ANAPC7: variants seen among roughly 807,000 people sequenced by gnomAD.
The protein encoded by ANAPC7 is anaphase promoting complex subunit 7.
ANAPC7 carries 25 observed loss-of-function variants against 63.3 expected under a neutral mutation model. That is an observed-to-expected ratio of 0.39 (90% CI 0.29 to 0.55). The LOEUF is 0.55. Ranked by LOEUF, ANAPC7 falls within the 20% of genes least tolerant of loss-of-function variation. ANAPC7 has a pLI of 0.57. For missense variants in ANAPC7, 516 were observed against 691.7 expected, an observed-to-expected ratio of 0.75 and a Z score of 2.85; for synonymous variants, 241 against 251.7, an observed-to-expected ratio of 0.96 and a Z score of 0.40.
At chr12:110,377,941 G>C in intron 8 of ANAPC7, 1 of 610,194 alleles carries the variant, frequency 1.6e-6, no homozygotes, top group Non-Finnish European at 2.4e-6. Context: ...CTAATGATTA[G>C]TCTGTCATAT....
At chr12:110,379,678 C>T (rs1469213752) in intron 8 of ANAPC7, among the ~76,000 whole-genome samples, 3 of 152,182 alleles carry the variant, frequency 2.0e-5, no homozygotes, top group African/African-American at 7.2e-5. Context: ...CAGATTTGTT[C>T]TCTTTCCCAA....
chr12:110,377,130 C>T (rs1430308040), intron 9 of ANAPC7, among the ~76,000 whole-genome samples: 1 of 143,134 alleles, frequency 7.0e-6, no homozygotes, highest in African/African-American at 2.6e-5. Context: ...GAGCAAGATG[C>T]CGTCTCAAAA....
intron 6 of ANAPC7, among the ~76,000 whole-genome samples, chr12:110,385,503 C>A (rs1451537444): frequency 6.6e-6 from 1 of 152,198 alleles, no homozygotes; most frequent in Non-Finnish European, 1.5e-5. Context: ...TTCCAAGCTG[C>A]CAGCTGTTGC....
intron 8 of ANAPC7, 125 bp downstream of exon 8, chr12:110,381,627 G>T: frequency 3.1e-6 from 3 of 962,996 alleles, no homozygotes; most frequent in Non-Finnish European, 3.1e-6. Flanking sequence ...GAGCCACCAC[G>T]TCCGGCCAGC....
rs1240781663 is a variant in ANAPC7 at position 110,377,927 on chromosome 12, G to A, written c.1133-310C>T. On this transcript the variant is annotated intron_variant, in intron 8 of 10. Transcript: ENST00000455511. ...ATCTGACCACTGGAAGAATAAATGCGACACTAATGATTAGTCTGTCATATG... is the reference window on the plus strand; with the variant it reads ...ATCTGACCACTGGAAGAATAAATGCAACACTAATGATTAGTCTGTCATATG... 8 of 704,170 alleles carry A rather than the reference G, an allele frequency of 1.1e-5. No homozygotes were observed. In the South Asian group the frequency reaches 1.2e-4, roughly 11 times the overall value. 43.6% of individuals were successfully genotyped at this position (704,170 alleles called of 1,614,324 possible).
intron 8 of ANAPC7, chr12:110,378,596 C>A (rs1390512334): frequency 1.3e-5 from 2 of 152,308 alleles, no homozygotes; most frequent in East Asian, 1.9e-4. Context: ...TCTTTCCACA[C>A]CCACAGCGAG....
intron 2 of ANAPC7, among the ~76,000 whole-genome samples, chr12:110,395,588 C>A (rs1592925654): frequency 6.6e-6 from 1 of 152,076 alleles, no homozygotes; most frequent in Middle Eastern, 3.4e-3. Flanking sequence ...CTGTGCCTGG[C>A]CTCATCTTCT....
At chr12:110,374,427 C>G in intron 10 of ANAPC7, 94 bp from the exon 11 acceptor site, 1 of 1,266,408 alleles carries the variant, frequency 7.9e-7, no homozygotes, top group Non-Finnish European at 1.1e-6. Flanking sequence ...GAAATGACCA[C>G]ACAGTCCCAA....
intron 3 of ANAPC7, among the ~76,000 whole-genome samples, chr12:110,392,532 T>G (rs956784826): frequency 6.6e-6 from 1 of 152,168 alleles, no homozygotes; most frequent in Non-Finnish European, 1.5e-5. Context: ...TCCTTATTGT[T>G]AAGCACAAGT....
At chr12:110,382,468 A>ATATATATATG (rs1882014467) in intron 7 of ANAPC7, among the ~76,000 whole-genome samples, 1 of 116,590 alleles carries the variant, frequency 8.6e-6, no homozygotes, top group African/African-American at 3.7e-5. Context: ...AAAAATATAT[A>ATATATATATG]TATATATATA....
chr12:110,376,938 T>A (rs1182423663), intron 9 of ANAPC7, among the ~76,000 whole-genome samples: 1 of 151,272 alleles, frequency 6.6e-6, no homozygotes, highest in Non-Finnish European at 1.5e-5. Flanking sequence ...CTGGCCAATA[T>A]GGTGAAACCC....
chr12:110,400,506 G>A (rs1347202846), intron 1 of ANAPC7, among the ~76,000 whole-genome samples: 1 of 152,182 alleles, frequency 6.6e-6, no homozygotes, highest in Non-Finnish European at 1.5e-5. Context: ...AACCCAATAT[G>A]AAAAAGCATG....
At chr12:110,396,069 C>T (rs1883547361) in intron 2 of ANAPC7, among the ~76,000 whole-genome samples, 197 bp downstream of exon 2, 1 of 152,052 alleles carries the variant, frequency 6.6e-6, no homozygotes, top group Admixed American at 6.6e-5. Flanking sequence ...GTTTGTGTTC[C>T]TATAAGAATC....
In ANAPC7 at chr12:110,381,954, G is replaced by GAA. The variant is rs35699984; in HGVS notation, c.936-8_936-7dup. ...TGCTATAGAAGCTGTGACAGCTGGA[G>GAA]AAAAAAAAAAAAAAAAAAACACAAA... On this transcript the variant is annotated splice_polypyrimidine_tract_variant and splice_region_variant and intron_variant, in intron 7 of 10. Transcript: ENST00000455511. The GAA allele has an allele frequency of 9.8e-3, 9,529 of 973,550 alleles. 6 individuals carry two copies. Among genetic ancestry groups the GAA allele is most frequent in the South Asian group, 0.034 (1,673 of 48,756 alleles). The allele number at this position is 973,550 out of a possible 1,614,324, so 60.3% of individuals were successfully genotyped here.
chr12:110,394,961 C>G lies in ANAPC7; in HGVS notation c.408+140G>C, dbSNP rs909029969. ...CTGGATTTTCAGGGTCCCCCACCCC[C>G]ACTCCATGAAGAGGAAGAAAATGAG... is the stretch of plus-strand genomic sequence containing the variant. On this transcript the variant is annotated intron_variant, in intron 3 of 10. Transcript: ENST00000455511. 3.3e-5 allele frequency: 32 copies of G among 969,172 alleles called. No individual in the cohort carries two copies. The South Asian group carries it at 6.7e-4, about 20-fold the overall frequency. The allele number at this position is 969,172 out of a possible 1,614,324, so 60.0% of individuals were successfully genotyped here. A position where few individuals can be genotyped will look rare whatever the true frequency, so the allele number is the denominator to read the frequency against.
At chr12:110,387,495 A>G (rs1882721638) in intron 5 of ANAPC7, 1 of 321,470 alleles carries the variant, frequency 3.1e-6, no homozygotes, top group East Asian at 5.0e-5. Context: ...TTGCTTTGCA[A>G]GGGTTACTAC....
At chr12:110,383,678 C>G (rs561638942) in intron 6 of ANAPC7, among the ~76,000 whole-genome samples, 2 of 151,438 alleles carry the variant, frequency 1.3e-5, no homozygotes, top group South Asian at 4.2e-4. Context: ...GTCAGGAGTT[C>G]GAGACTAGGC....
intron 8 of ANAPC7, among the ~76,000 whole-genome samples, chr12:110,380,729 C>T (rs1340981795): frequency 4.7e-5 from 7 of 149,788 alleles, no homozygotes; most frequent in Non-Finnish European, 8.9e-5. Context: ...CCGAGGCGGG[C>T]GGATCACGAG....
chr12:110,403,405 C>T lies in ANAPC7; in HGVS notation c.101+122G>A, dbSNP rs569150609. The T allele has an allele frequency of 8.0e-4, 906 of 1,135,514 alleles. 3 individuals carry two copies. The African/African-American group carries it at 0.012, about 15-fold the overall frequency. 70.3% of individuals were successfully genotyped at this position (1,135,514 alleles called of 1,614,324 possible). ...CCGCTCCAGGACGCCCTCGCAGACCCCGGAGCCTCCGCTGGCGCCGGCGGC... is the reference window on the plus strand; with the variant it reads ...CCGCTCCAGGACGCCCTCGCAGACCTCGGAGCCTCCGCTGGCGCCGGCGGC... On this transcript the variant is annotated intron_variant, in intron 1 of 10. Transcript: ENST00000455511.
Sources: allele counts gnomAD v4.1 joint callset (sites outside exome capture counted in the v4.1 genomes callset), GRCh38; gene constraint gnomAD v4.1.1; transcripts MANE v1.5; gene names NCBI Gene and HGNC (gene_info 2026-07-23, HGNC 2026-07-21).